The following SACS variants were observed in gnomAD, a reference collection of about 807,000 sequenced individuals.
SACS encodes the protein sacsin molecular chaperone.
SACS carries 197 observed loss-of-function variants against 348.0 expected under a neutral mutation model. That is an observed-to-expected ratio of 0.57 (90% confidence interval 0.50 to 0.64). SACS has a LOEUF of 0.64. Among genes scored for constraint, SACS ranks in the 30% least tolerant of loss-of-function variants. The pLI is 0.00. For synonymous variants in SACS, 1,985 were observed against 1,910.6 expected, an observed-to-expected ratio of 1.04 and a Z score of -1.02; for missense variants, 4,999 against 5,360.8, an observed-to-expected ratio of 0.93 and a Z score of 2.11.
rs754353860 is a variant in SACS at position 23,339,645 on chromosome 13, A to G, written c.4231T>C (p.Leu1411=). ...ATTGGTTCCACAGAATCTTCAAGTAAGTCATTAAGGTCATCAACTTTAATG... is the reference window on the plus strand; with the variant it reads ...ATTGGTTCCACAGAATCTTCAAGTAGGTCATTAAGGTCATCAACTTTAATG... ...CDIKVDDLND[L]LEDSVEPIIL... is the part of the protein sequence containing the mutation. The change falls in exon 10 of 10, where the codon TTA becomes CTA. Residue 1411 remains leucine (L), a synonymous_variant. Transcript: ENST00000382292. The G allele has an allele frequency of 6.2e-7, 1 of 1,612,626 alleles. No homozygotes were observed. The highest frequency in any genetic ancestry group is 1.3e-5 in the African/African-American group (1 of 75,016).
At chr13:23,393,652 C>T (rs1000590533) in intron 2 of SACS, among the ~76,000 whole-genome samples, 3 of 152,204 alleles carry the variant, frequency 2.0e-5, no homozygotes, top group Non-Finnish European at 2.9e-5. Flanking sequence ...TGACTCCTGG[C>T]ACACAGCACT....
rs530269705 is a variant in SACS at position 23,335,054 on chromosome 13, A to C, written c.8822T>G (p.Leu2941Ter). The C allele has an allele frequency of 6.2e-6, 10 of 1,613,264 alleles. No individual in the cohort carries two copies. The highest frequency in any genetic ancestry group is 8.5e-6 in the Non-Finnish European group (10 of 1,179,374). ...AATAGGGGTGTTCTGTAACACTGATAATGTTGGATCAGAACCAGGGAAATA... is the reference window on the plus strand; with the variant it reads ...AATAGGGGTGTTCTGTAACACTGATCATGTTGGATCAGAACCAGGGAAATA... ...KRYFPGSDPT[L>*]SVLQNTPIHV... is the part of the protein sequence containing the mutation. The change falls in exon 10 of 10, where the codon TTA becomes TGA. Residue 2941 changes from leucine to a stop codon, truncating the protein, a stop_gained. Transcript: ENST00000382292. LOFTEE classifies it high-confidence loss of function. The surrounding 1 kb of genome is among the most constrained non-coding windows in gnomAD (Gnocchi z 4.7).
intron 2 of SACS, among the ~76,000 whole-genome samples, chr13:23,386,591 T>TTA (rs568244669): frequency 3.8e-4 from 58 of 152,254 alleles, no homozygotes; most frequent in Non-Finnish European, 6.9e-4. Context: ...TTTTGCTTTC[T>TTA]TATAGTTTCT....
chr13:23,348,349 A>G (rs1593139496), intron 9 of SACS, among the ~76,000 whole-genome samples: 1 of 150,566 alleles, frequency 6.6e-6, no homozygotes, highest in East Asian at 1.9e-4. Flanking sequence ...ATTTGAAGAG[A>G]ACTATTAACT....
At position 23,335,661 on chromosome 13, in the gene SACS, T is replaced by A; in HGVS notation, c.8215A>T (p.Met2739Leu). 1 of 1,614,024 alleles carries A rather than the reference T, an allele frequency of 6.2e-7. No homozygotes were observed. ...KLRSDGAELL[M>L]FLNHMEKISI... ...ATTTTTTCCATGTGATTAAGAAACA[T>A]TAGAAGTTCTGCCCCATCTGAGCGC... is the stretch of plus-strand genomic sequence containing the variant. The change falls in exon 10 of 10, where the codon ATG (methionine) becomes TTG (leucine). Residue 2739 changes from methionine to leucine, a missense_variant. Physicochemically the swap from Met to Leu is conservative, Grantham distance 15. Transcript: ENST00000382292. The surrounding 1 kb of genome is among the most constrained non-coding windows in gnomAD (Gnocchi z 4.7).
chr13:23,375,073 C>T (rs940543845), intron 3 of SACS, 46 bp downstream of exon 3: 2 of 1,423,088 alleles, frequency 1.4e-6, no homozygotes, highest in African/African-American at 1.5e-5. Context: ...GCCCGCCGTT[C>T]CTCCGCGTGG....
rs1469410699 is a variant in SACS, at chr13:23,338,048, T to C, written c.5828A>G (p.Tyr1943Cys). The change falls in exon 10 of 10, where the codon TAT becomes TGT. Residue 1943 changes from tyrosine (Y) to cysteine (C), a missense_variant. Physicochemically the swap from Tyr to Cys is radical, Grantham distance 194. Transcript: ENST00000382292. ...TAAATCAGGATCGGGCCATACTGCA[T>C]AGTAAGTATAATCCATTAGCTCCCC... ...TSGELMDYTY[Y>C]AVWPDPDLVH... 6 of 1,613,710 alleles carry C rather than the reference T, an allele frequency of 3.7e-6. No individual in the cohort carries two copies. The African/African-American group carries it at 4.0e-5, about 11-fold the overall frequency.
chr13:23,401,295 T>C (rs937857168), intron 2 of SACS, among the ~76,000 whole-genome samples: 7 of 152,242 alleles, frequency 4.6e-5, no homozygotes, highest in African/African-American at 1.4e-4. Flanking sequence ...GATGCATATC[T>C]GATTTGCCTC....
At chr13:23,382,831 G>A (rs1465655349) in intron 2 of SACS, among the ~76,000 whole-genome samples, 1 of 150,126 alleles carries the variant, frequency 6.7e-6, no homozygotes, top group African/African-American at 2.4e-5. Flanking sequence ...TGCCAGGCTG[G>A]AGTGCAGTAG....
At position 23,330,119 on chromosome 13, in the gene SACS, TTTTTCGTTAAATATCTTCACACTTTTTG is replaced by T. The variant is rs1883371464; in HGVS notation, c.13729_*16del. 6.2e-7 allele frequency: 1 copy of T among 1,607,842 alleles called. No individual in the cohort carries two copies. ...TACAACACATTCAAGATCTACCTTTTTTTTCGTTAAATATCTTCACACTTTTTGTTGCATAAAATTTTCAAGTTTTATT... is the reference window on the plus strand; with the variant it reads ...TACAACACATTCAAGATCTACCTTTTTTGCATAAAATTTTCAAGTTTTATT... On this transcript the variant is annotated stop_lost and 3_prime_UTR_variant, in exon 10 of 10. Coordinates refer to ENST00000382292, the MANE Select transcript of SACS (RefSeq NM_014363.6).
At chr13:23,369,215 C>CA (rs1350666998) in intron 4 of SACS, among the ~76,000 whole-genome samples, 1 of 152,108 alleles carries the variant, frequency 6.6e-6, no homozygotes, top group Non-Finnish European at 1.5e-5. Flanking sequence ...TTCTCAAATT[C>CA]AACCAGTGTT....
chr13:23,365,128 G>T, intron 6 of SACS, 38 bp downstream of exon 6: 1 of 1,287,316 alleles, frequency 7.8e-7, no homozygotes, highest in Non-Finnish European at 1.1e-6. Context: ...GCCTGTTAGT[G>T]CATACAATAA....
At chr13:23,410,773 A>G (rs1316023694) in intron 2 of SACS, among the ~76,000 whole-genome samples, 1 of 152,174 alleles carries the variant, frequency 6.6e-6, no homozygotes, top group East Asian at 1.9e-4. Context: ...AGCAAGCATT[A>G]TATTTTGTCA....
chr13:23,369,573 C>CT (rs1453531036), intron 4 of SACS, among the ~76,000 whole-genome samples: 1 of 150,274 alleles, frequency 6.7e-6, no homozygotes, highest in African/African-American at 2.4e-5. Flanking sequence ...CAGACGGACT[C>CT]TCCTTCTATT....
At chr13:23,389,408 A>T (rs542826073) in intron 2 of SACS, among the ~76,000 whole-genome samples, 32 of 152,116 alleles carry the variant, frequency 2.1e-4, no homozygotes, top group East Asian at 7.7e-4. Context: ...ATTGTAAAAA[A>T]ATATATATAT....
At chr13:23,347,852 G>T (rs1244447398) in intron 9 of SACS, among the ~76,000 whole-genome samples, 1 of 152,106 alleles carries the variant, frequency 6.6e-6, no homozygotes, top group Non-Finnish European at 1.5e-5. Context: ...ACAGGAAAAA[G>T]CATGGAACTA....
chr13:23,396,720 A>C (rs9552944), intron 2 of SACS, among the ~76,000 whole-genome samples: 44,712 of 152,090 alleles, frequency 0.29, 6,849 homozygotes, highest in East Asian at 0.45. Context: ...TTTGTGATAC[A>C]TGCCTAACAT....
At chr13:23,423,879 C>A (rs945455648) in intron 1 of SACS, among the ~76,000 whole-genome samples, 2 of 152,108 alleles carry the variant, frequency 1.3e-5, no homozygotes, top group Non-Finnish European at 2.9e-5. Flanking sequence ...AAACAAGTTA[C>A]AAGCACTCAT....
rs528251950 is a variant in SACS, at chr13:23,357,751, T to C, written c.604+584A>G. ...CCACACTGAGTTAAGTATTTCCTATTGTTAACTAGGAACCAGAAACCTCAT... is the reference window on the plus strand; with the variant it reads ...CCACACTGAGTTAAGTATTTCCTATCGTTAACTAGGAACCAGAAACCTCAT... On this transcript the variant is annotated intron_variant, in intron 7 of 9. Transcript: ENST00000382292. Among the ~76,000 whole-genome samples the C allele has an allele frequency of 7.8e-4, 33 of 42,238 alleles. No individual in the cohort carries two copies. In the East Asian group the frequency reaches 0.33, roughly 422 times the overall value. 27.7% of individuals were successfully genotyped at this position (42,238 alleles called of 152,430 possible). A position where few individuals can be genotyped will look rare whatever the true frequency, so the allele number is the denominator to read the frequency against.
Sources: allele counts gnomAD v4.1 joint callset (sites outside exome capture counted in the v4.1 genomes callset), GRCh38; gene constraint gnomAD v4.1.1; non-coding constraint Gnocchi (gnomAD v3.1); transcripts MANE v1.5; gene names NCBI Gene and HGNC (gene_info 2026-07-23, HGNC 2026-07-21).